GEMIN8: variants seen among roughly 807,000 people sequenced by gnomAD.
GEMIN8 encodes the protein gem nuclear organelle associated protein 8.
For missense variants in GEMIN8, 185 were observed against 205.9 expected, an observed-to-expected ratio of 0.90 and a Z score of 0.62; for synonymous variants, 80 against 78.5, an observed-to-expected ratio of 1.02 and a Z score of -0.10.
In GEMIN8 at chrX:14,007,989, T is replaced by G. The variant is rs908938720; in HGVS notation, c.*924A>C. On this transcript the variant is annotated 3_prime_UTR_variant, in exon 5 of 5. Coordinates refer to ENST00000680255, the MANE Select transcript of GEMIN8 (RefSeq NM_001042479.2). The stretch of plus-strand genomic sequence containing the variant: ...AAATCTGGCCTGCAGTCTGTTTTTG[T>G]TTTTGTTTTGAGACGGAGTCTTGCT... Among the ~76,000 whole-genome samples the G allele has an allele frequency of 9.0e-6, 1 of 111,228 alleles. No homozygotes were observed. Among genetic ancestry groups the G allele is most frequent in the Non-Finnish European group, 1.9e-5 (1 of 53,033 alleles).
chrX:14,019,723 TATATAAAATGAGTTTA>T lies in GEMIN8; in HGVS notation c.472+339_472+354del, dbSNP rs1182906641. ...ACCTTTTTAAGGTTCACTTTCCTCA[TATATAAAATGAGTTTA>T]ATACTCTGAGGGACTGCTGTGTAGA... On this transcript the variant is annotated intron_variant, in intron 4 of 4. Transcript: ENST00000680255. 2.7e-5 allele frequency among the ~76,000 whole-genome samples: 3 copies of T among 111,894 alleles called. No homozygotes were observed. In the East Asian group the frequency reaches 8.4e-4, roughly 31 times the overall value.
chrX:14,025,466 GT>G (rs1924638113), intron 2 of GEMIN8, among the ~76,000 whole-genome samples: 1 of 111,477 alleles, frequency 9.0e-6, no homozygotes, highest in Admixed American at 9.5e-5. Context: ...ACATTTTGAA[GT>G]TGTATAGATT....
chrX:14,020,838 G>A (rs1362856638), intron 3 of GEMIN8, among the ~76,000 whole-genome samples: 1 of 111,140 alleles, frequency 9.0e-6, no homozygotes, highest in African/African-American at 3.3e-5. Context: ...TGAGACGCAG[G>A]GAGAGAGAAG....
chrX:14,021,360 C>T (rs991187660), intron 3 of GEMIN8, 104 bp downstream of exon 3: 121 of 478,726 alleles, frequency 2.5e-4, no homozygotes, highest in Non-Finnish European at 2.4e-4. Flanking sequence ...CTAACCTGCC[C>T]GTTGTGCGCA....
chrX:14,025,538 G>A (rs973603048), intron 2 of GEMIN8, among the ~76,000 whole-genome samples: 8 of 111,189 alleles, frequency 7.2e-5, no homozygotes, highest in Non-Finnish European at 1.3e-4. Flanking sequence ...ATCAGTAGAC[G>A]AACTTCACGA....
At chrX:14,004,624 C>T (rs1403783795), downstream of GEMIN8, among the ~76,000 whole-genome samples, 1 of 112,456 alleles carries the variant, frequency 8.9e-6, no homozygotes, top group African/African-American at 3.2e-5. Context: ...CTGACACGGC[C>T]TCAGCTCACT....
intron 1 of GEMIN8, chrX:14,029,568 T>C (rs1382600957): frequency 8.9e-6 from 1 of 112,985 alleles, no homozygotes; most frequent in Non-Finnish European, 1.9e-5. Context: ...TGAGAGCCTC[T>C]GGGACTGGTC....
the GEMIN8 span, among the ~76,000 whole-genome samples, chrX:13,998,586 AT>A: frequency 5.3e-3 from 591 of 111,401 alleles, 9 homozygotes; most frequent in East Asian, 0.09. Flanking sequence ...TTTTAAAAAA[AT>A]AAGTTACCCA....
intron 4 of GEMIN8, among the ~76,000 whole-genome samples, chrX:14,016,544 T>A (rs1026979559): frequency 2.2e-4 from 24 of 110,349 alleles, no homozygotes; most frequent in African/African-American, 7.9e-4. Flanking sequence ...GAACATCTTA[T>A]TAAAAATATG....
At position 14,007,547 on chromosome X, in the gene GEMIN8, T is replaced by A. The variant is rs891801701; in HGVS notation, c.*1366A>T. Among the ~76,000 whole-genome samples the A allele has an allele frequency of 1.1e-4, 12 of 110,986 alleles. No individual in the cohort carries two copies. The highest frequency in any genetic ancestry group is 1.9e-4 in the Non-Finnish European group (10 of 52,901). On this transcript the variant is annotated 3_prime_UTR_variant, in exon 5 of 5. Transcript: ENST00000680255. The stretch of plus-strand genomic sequence containing the variant: ...CAGGTTTGGGAATTATTGTTCTTTT[T>A]TTTTTTTCTTTTGAGATGGAGTCTC...
chrX:14,026,441 GCA>G, intron 1 of GEMIN8: 4 of 730,706 alleles, frequency 5.5e-6, no homozygotes, highest in Non-Finnish European at 6.5e-6. Flanking sequence ...TATAGGCAAG[GCA>G]GAGACTGAGT....
rs1382218291 is a variant in GEMIN8, at chrX:14,012,704, A to AT, written c.473-3536dup. On this transcript the variant is annotated intron_variant, in intron 4 of 4. Transcript: ENST00000680255. ...AATGAATGCTCAAAGGCCATGCATG[A>AT]TTTTTTTGTAAACAGCTCTTTTCCT... 1.1e-4 allele frequency among the ~76,000 whole-genome samples: 12 copies of AT among 111,684 alleles called. No individual in the cohort carries two copies. The East Asian group carries it at 3.4e-3, about 32-fold the overall frequency.
chrX:14,026,418 C>A (rs1924698565), intron 1 of GEMIN8, 197 bp from the exon 2 acceptor site: 1 of 746,360 alleles, frequency 1.3e-6, no homozygotes, highest in Non-Finnish European at 1.6e-6. Context: ...ATTCACTAAA[C>A]ACTGACGAGG....
intron 3 of GEMIN8, among the ~76,000 whole-genome samples, chrX:14,021,200 A>T: frequency 1.0e-5 from 1 of 95,416 alleles, no homozygotes; most frequent in South Asian, 5.7e-4. Flanking sequence ...AACAATGAGA[A>T]CACATGGACA....
intron 4 of GEMIN8, chrX:14,013,804 T>TTAA: frequency 6.7e-6 from 1 of 148,967 alleles, no homozygotes; most frequent in Non-Finnish European, 1.1e-5. Flanking sequence ...TTTTTTTTTT[T>TTAA]AATCCACCCA....
chrX:14,020,404 C>A lies in GEMIN8; in HGVS notation c.146G>T (p.Cys49Phe). The A allele has an allele frequency of 1.7e-6, 2 of 1,209,144 alleles. No individual in the cohort carries two copies. The highest frequency in any genetic ancestry group is 3.5e-5 in the African/African-American group (2 of 57,709). ...HNAYRKAVES[C>F]FNLPWYLPSA... is the part of the protein sequence containing the mutation. ...AGGTAAGTACCATGGAAGATTGAAA[C>A]AGGATTCCACGGCCTTCCTGTAGGC... Residue 49 changes from cysteine (C) to phenylalanine (F), a missense_variant, in exon 4 of 5, where the codon TGT becomes TTT. Coordinates refer to ENST00000680255, the MANE Select transcript of GEMIN8 (RefSeq NM_001042479.2).
chrX:14,005,911 T>C (rs1209443982), downstream of GEMIN8, among the ~76,000 whole-genome samples: 1 of 111,493 alleles, frequency 9.0e-6, no homozygotes, highest in Non-Finnish European at 1.9e-5. Context: ...AAGTTTGTTT[T>C]TTCCATCAGA....
chrX:13,984,478 C>T, the GEMIN8 span, among the ~76,000 whole-genome samples: 1 of 112,263 alleles, frequency 8.9e-6, no homozygotes, highest in Middle Eastern at 4.6e-3. Flanking sequence ...GAACACAGTC[C>T]ATGCCCATTT....
At chrX:14,023,316 C>G (rs960043338) in intron 2 of GEMIN8, among the ~76,000 whole-genome samples, 1 of 111,039 alleles carries the variant, frequency 9.0e-6, no homozygotes, top group Non-Finnish European at 1.9e-5. Flanking sequence ...TTAGTATGTA[C>G]TTAAGAGCAA....
Sources: gnomAD v4.1 joint callset for allele counts (sites outside exome capture counted in the v4.1 genomes callset) on GRCh38, gnomAD v4.1.1 for gene constraint, MANE v1.5 for transcripts, NCBI Gene and HGNC (gene_info 2026-07-23, HGNC 2026-07-21) for gene names.